Variants in FBXL7 observed in about 807,000 individuals in gnomAD.
FBXL7 encodes the protein F-box and leucine rich repeat protein 7.
In FBXL7, 12 loss-of-function variants were observed where a neutral mutation model predicts 38.3. The ratio of observed to expected loss-of-function variants is 0.31; its 90% confidence interval spans 0.20 to 0.51. FBXL7 has a LOEUF of 0.51. Ranked by LOEUF, FBXL7 falls within the 20% of genes least tolerant of loss-of-function variation. The probability of loss-of-function intolerance (pLI) is 0.98; values close to 1 mark genes in which losing one functional copy is unlikely to be tolerated. For synonymous variants in FBXL7, 297 were observed against 300.9 expected (o/e 0.99, Z 0.13); for missense variants, 567 against 676.4 (o/e 0.84, Z 1.79).
intron 2 of FBXL7, among the ~76,000 whole-genome samples, chr5:15,795,137 G>C (rs1239406161): frequency 6.6e-6 from 1 of 152,136 alleles, no homozygotes; most frequent in Non-Finnish European, 1.5e-5. Context: ...CTGTTTGTAT[G>C]TTTTGTTTTT....
chr5:15,717,273 G>A (rs1269596240), intron 2 of FBXL7, among the ~76,000 whole-genome samples: 2 of 152,188 alleles, frequency 1.3e-5, no homozygotes, highest in African/African-American at 4.8e-5. Flanking sequence ...GTCCCCTGCT[G>A]CTCCTATGGC....
intron 2 of FBXL7, among the ~76,000 whole-genome samples, chr5:15,697,180 A>G (rs1743367319): frequency 6.6e-6 from 1 of 152,122 alleles, no homozygotes. Context: ...GACCAGAGTG[A>G]TTTCTAGGGG....
chr5:15,738,710 G>A, intron 2 of FBXL7, among the ~76,000 whole-genome samples: 1 of 152,378 alleles, frequency 6.6e-6, no homozygotes, highest in Non-Finnish European at 1.5e-5. Flanking sequence ...GTCCCCTACA[G>A]ATCTGCTAGA....
At chr5:15,843,340 G>C (rs1004133364) in intron 2 of FBXL7, among the ~76,000 whole-genome samples, 3 of 152,188 alleles carry the variant, frequency 2.0e-5, no homozygotes, top group Middle Eastern at 3.4e-3. Context: ...GCTTATTGGC[G>C]TGTAGTCTTT....
At chr5:15,590,911 TTCTG>T (rs1176142885) in intron 1 of FBXL7, among the ~76,000 whole-genome samples, 1 of 152,210 alleles carries the variant, frequency 6.6e-6, no homozygotes, top group East Asian at 1.9e-4. Context: ...TTATTTTATG[TTCTG>T]TCTCTTTTTC....
chr5:15,789,054 G>A (rs996966078), intron 2 of FBXL7, among the ~76,000 whole-genome samples: 18 of 151,908 alleles, frequency 1.2e-4, no homozygotes, highest in Admixed American at 7.2e-4. Context: ...ATTTCACGGT[G>A]TTGGCCAGGG....
intron 2 of FBXL7, among the ~76,000 whole-genome samples, chr5:15,914,349 G>GCA (rs1347630731): frequency 1.0e-4 from 15 of 144,334 alleles, no homozygotes; most frequent in Non-Finnish European, 1.8e-4. Flanking sequence ...TCGCGCCACT[G>GCA]CACTCCAGCC....
chr5:15,646,673 A>G (rs754517510), intron 2 of FBXL7, among the ~76,000 whole-genome samples: 4 of 152,144 alleles, frequency 2.6e-5, no homozygotes, highest in Admixed American at 1.3e-4. Context: ...TTGTTTTGCA[A>G]TCCCCTAAAT....
chr5:15,507,689 G>A (rs1311177155), intron 1 of FBXL7, among the ~76,000 whole-genome samples: 1 of 152,114 alleles, frequency 6.6e-6, no homozygotes, highest in Non-Finnish European at 1.5e-5. Context: ...AATAAATAAA[G>A]TTTAGATACT....
At chr5:15,854,602 T>G (rs1739198304) in intron 2 of FBXL7, among the ~76,000 whole-genome samples, 1 of 152,224 alleles carries the variant, frequency 6.6e-6, no homozygotes, top group African/African-American at 2.4e-5. Flanking sequence ...TTTAAATCCT[T>G]TTTTAATTTG....
intron 1 of FBXL7, among the ~76,000 whole-genome samples, chr5:15,528,653 C>G (rs1580353230): frequency 6.6e-6 from 1 of 152,326 alleles, no homozygotes; most frequent in Admixed American, 6.5e-5. Context: ...TCCCATTATT[C>G]AATTACCTCC....
intron 2 of FBXL7, among the ~76,000 whole-genome samples, chr5:15,902,004 A>C: frequency 6.6e-6 from 1 of 152,178 alleles, no homozygotes. Context: ...ACTTGCATAT[A>C]ATAGGCCCCA....
chr5:15,855,164 T>G (rs1169329499), intron 2 of FBXL7, among the ~76,000 whole-genome samples: 1 of 152,202 alleles, frequency 6.6e-6, no homozygotes, highest in Non-Finnish European at 1.5e-5. Flanking sequence ...TGGTTTATTT[T>G]TCATCATTGT....
intron 2 of FBXL7, among the ~76,000 whole-genome samples, chr5:15,766,107 C>G (rs1736584625): frequency 6.8e-6 from 1 of 146,966 alleles, no homozygotes; most frequent in Non-Finnish European, 1.5e-5. Context: ...CTGGTATTCT[C>G]TGCAAACACC....
chr5:15,559,976 C>T (rs546441037), intron 1 of FBXL7, among the ~76,000 whole-genome samples: 77 of 152,306 alleles, frequency 5.1e-4, no homozygotes, highest in African/African-American at 1.8e-3. Context: ...TCCCTGGCAC[C>T]TACACTTACG....
chr5:15,532,391 T>C (rs1252913565), intron 1 of FBXL7, among the ~76,000 whole-genome samples: 1 of 152,242 alleles, frequency 6.6e-6, no homozygotes, highest in Non-Finnish European at 1.5e-5. Flanking sequence ...GACTGAAAGC[T>C]CTTTCAACCG....
intron 1 of FBXL7, among the ~76,000 whole-genome samples, chr5:15,591,252 ACT>A (rs200353271): frequency 1.3e-5 from 2 of 151,794 alleles, no homozygotes; most frequent in East Asian, 3.9e-4. Flanking sequence ...ACATGGTGAA[ACT>A]CTGTCTCTAC....
chr5:15,546,058 C>T (rs1446687129), intron 1 of FBXL7, among the ~76,000 whole-genome samples: 1 of 152,192 alleles, frequency 6.6e-6, no homozygotes, highest in Non-Finnish European at 1.5e-5. Flanking sequence ...ATCTTGATTA[C>T]ATATTAAAAT....
At chr5:15,580,858 G>A (rs1739115445) in intron 1 of FBXL7, 4 of 971,558 alleles carry the variant, frequency 4.1e-6, no homozygotes, top group Non-Finnish European at 4.9e-6. Flanking sequence ...GACACTGGTT[G>A]ATGCATGGCT....
Sources: gnomAD v4.1 joint callset for allele counts (sites outside exome capture counted in the v4.1 genomes callset) on GRCh38, gnomAD v4.1.1 for gene constraint, MANE v1.5 for transcripts, NCBI Gene and HGNC (gene_info 2026-07-23, HGNC 2026-07-21) for gene names.